The following SH3GLB2 variants were observed in gnomAD, a reference collection of about 807,000 sequenced individuals.
The protein encoded by SH3GLB2 is endophilin-B2.
Under a neutral mutation model 48.0 loss-of-function variants are expected in SH3GLB2, and 24 were observed. The ratio of observed to expected loss-of-function variants is 0.50; its 90% CI spans 0.36 to 0.70. SH3GLB2 has a LOEUF of 0.70. Ranked by LOEUF, SH3GLB2 falls within the 30% of genes least tolerant of loss-of-function variation. SH3GLB2 has a pLI of 0.00. For missense variants in SH3GLB2, 425 were observed against 516.0 expected, an observed-to-expected ratio of 0.82 and a Z score of 1.71; for synonymous variants, 227 against 207.6, an observed-to-expected ratio of 1.09 and a Z score of -0.80.
rs750346875 is a variant in SH3GLB2 at position 129,012,972 on chromosome 9, C to T, written c.562-674G>A. Reference sequence around the variant, plus strand: ...GGGTCCACGGGCAAGATGGGCAGACCGGAAGCAGCACAGCGCGTGGGACAG... The same window carrying T: ...GGGTCCACGGGCAAGATGGGCAGACTGGAAGCAGCACAGCGCGTGGGACAG... On this transcript the variant is annotated intron_variant, in intron 5 of 10. Coordinates refer to ENST00000372564, the MANE Select transcript of SH3GLB2 (RefSeq NM_020145.4). 1.4e-5 allele frequency: 22 copies of T among 1,550,744 alleles called. No homozygotes were observed. The Admixed American group carries it at 1.6e-4, about 11-fold the overall frequency.
At position 129,009,808 on chromosome 9, in the gene SH3GLB2, A is replaced by G. The variant is rs1842999089; in HGVS notation, c.802T>C (p.Tyr268His). The G allele has an allele frequency of 1.2e-6, 2 of 1,613,974 alleles. No homozygotes were observed. The highest frequency in any genetic ancestry group is 1.1e-5 in the South Asian group (1 of 91,046). ...TTCTGCAAGTCCAGCATGTGGCGGTAGCACTGTGCGTAGTAGGTTGTCTGA... is the reference window on the plus strand; with the variant it reads ...TTCTGCAAGTCCAGCATGTGGCGGTGGCACTGTGCGTAGTAGGTTGTCTGA... ...KSQTTYYAQC[Y>H]RHMLDLQKQL... Residue 268 changes from tyrosine (Y) to histidine (H), a missense_variant, in exon 9 of 11, where the codon TAC becomes CAC. Transcript: ENST00000372564.
intron 3 of SH3GLB2, among the ~76,000 whole-genome samples, chr9:129,019,708 CA>C (rs1216460109): frequency 5.0e-3 from 289 of 57,898 alleles, no homozygotes; most frequent in Middle Eastern, 0.015. Context: ...GACTCTGCCT[CA>C]AAAAAAAAAA....
At chr9:129,013,212 G>T in intron 5 of SH3GLB2, 1 of 612,308 alleles carries the variant, frequency 1.6e-6, no homozygotes, top group Non-Finnish European at 2.9e-6. Flanking sequence ...GAGCTGTGGA[G>T]CTTGAGTCCT....
intron 1 of SH3GLB2, among the ~76,000 whole-genome samples, chr9:129,026,547 C>T (rs998384556): frequency 1.3e-5 from 2 of 152,096 alleles, no homozygotes; most frequent in Admixed American, 6.5e-5. Context: ...CAGCTCCCTC[C>T]CTCCCACCCC....
intron 7 of SH3GLB2, 41 bp downstream of exon 7, chr9:129,010,629 C>T: frequency 6.2e-7 from 1 of 1,611,214 alleles, no homozygotes; most frequent in Non-Finnish European, 8.5e-7. Context: ...CACCCCGCCA[C>T]CCCTTCTTCC....
At chr9:129,009,420 C>T (rs760302680) in intron 9 of SH3GLB2, 74 bp from the exon 10 acceptor site, 9 of 1,550,214 alleles carry the variant, frequency 5.8e-6, no homozygotes, top group African/African-American at 1.4e-5. Flanking sequence ...CCTCCCCAGC[C>T]CCAGGAGCCC....
At chr9:129,010,623 C>A (rs746992061) in intron 7 of SH3GLB2, 47 bp downstream of exon 7, 9 of 1,608,550 alleles carry the variant, frequency 5.6e-6, no homozygotes, top group Non-Finnish European at 6.8e-6. Flanking sequence ...TGCCTGCACC[C>A]CGCCACCCCT....
chr9:129,019,968 CCA>C (rs1483160761), intron 3 of SH3GLB2, among the ~76,000 whole-genome samples: 4 of 151,454 alleles, frequency 2.6e-5, no homozygotes, highest in Admixed American at 6.6e-5. Context: ...CTTTGGGAGG[CCA>C]TGGCGGGCAG....
intron 1 of SH3GLB2, among the ~76,000 whole-genome samples, chr9:129,026,050 A>T (rs1844144334): frequency 6.6e-6 from 1 of 151,772 alleles, no homozygotes; most frequent in Non-Finnish European, 1.5e-5. Context: ...CGGTGCCCTT[A>T]TCTGGGCTGC....
At position 129,008,314 on chromosome 9, in the gene SH3GLB2, AAGGC is replaced by A; in HGVS notation, c.*366_*369del. ...CCCTGATGCAGCTTTTGGCAACTGA[AAGGC>A]AGGGCTCTCGCTGAGTGCACCTGGG... On this transcript the variant is annotated 3_prime_UTR_variant, in exon 11 of 11. Coordinates refer to ENST00000372564, the MANE Select transcript of SH3GLB2 (RefSeq NM_020145.4). The A allele has an allele frequency of 8.5e-6, 2 of 233,930 alleles. No homozygotes were observed. The highest frequency in any genetic ancestry group is 1.1e-4 in the South Asian group (2 of 18,886). The allele number at this position is 233,930 out of a possible 1,614,324, so 14.5% of individuals were successfully genotyped here.
chr9:129,021,233 G>A lies in SH3GLB2; in HGVS notation c.206-14C>T, dbSNP rs568393041. 9.4e-6 allele frequency: 15 copies of A among 1,592,882 alleles called. 1 individual carries two copies. The highest frequency in any genetic ancestry group is 2.2e-4 in the Middle Eastern group (1 of 4,472). ...CCACTCGGGCACCTGTGGGGAGACA[G>A]CAGCCAAAGCCACAGGGCTCCTTAG... On this transcript the variant is annotated splice_polypyrimidine_tract_variant and intron_variant, in intron 2 of 10. Coordinates refer to ENST00000372564, the MANE Select transcript of SH3GLB2 (RefSeq NM_020145.4).
intron 2 of SH3GLB2, 64 bp from the exon 3 acceptor site, chr9:129,021,283 A>G (rs1450343532): frequency 8.7e-6 from 13 of 1,501,962 alleles, no homozygotes; most frequent in African/African-American, 1.4e-5. Context: ...TGAAACAGAA[A>G]CAGACCCAGA....
rs546943197 is a variant in SH3GLB2 at position 129,012,989 on chromosome 9, G to A, written c.562-691C>T. The A allele has an allele frequency of 3.9e-5, 60 of 1,551,060 alleles. No individual in the cohort carries two copies. In the South Asian group the frequency reaches 4.2e-4, roughly 11 times the overall value. On this transcript the variant is annotated intron_variant, in intron 5 of 10. Coordinates refer to ENST00000372564, the MANE Select transcript of SH3GLB2 (RefSeq NM_020145.4). ...GGGCAGACCGGAAGCAGCACAGCGC[G>A]TGGGACAGGTATACTCACATCTCCC... is the stretch of plus-strand genomic sequence containing the variant.
intron 3 of SH3GLB2, among the ~76,000 whole-genome samples, chr9:129,020,343 C>T (rs553968545): frequency 1.3e-3 from 190 of 149,748 alleles, no homozygotes; most frequent in Non-Finnish European, 2.3e-3. Flanking sequence ...CTGAGGCAGG[C>T]GGATCACTTG....
At chr9:129,009,563 C>T in intron 9 of SH3GLB2, 1 of 1,543,038 alleles carries the variant, frequency 6.5e-7, no homozygotes, top group Admixed American at 2.0e-5. Context: ...TCCCTAGAAA[C>T]CCTCAGGGGC....
intron 3 of SH3GLB2, among the ~76,000 whole-genome samples, chr9:129,015,215 C>T (rs1588318679): frequency 6.6e-6 from 1 of 152,308 alleles, no homozygotes; most frequent in East Asian, 1.9e-4. Flanking sequence ...CTGGACACCA[C>T]GCCAGGTGCG....
Position 129,011,051 on chromosome 9 carries a change from C to G in SH3GLB2, c.625-358G>C, listed in dbSNP as rs1035793755. ...GGGCTGGGCGGCAGAACTGTGTGAC[C>G]CTGGGCCAGTCACTGAAGCTTTCTG... On this transcript the variant is annotated intron_variant, in intron 6 of 10. Transcript: ENST00000372564. The surrounding 1 kb of genome is among the most constrained non-coding windows in gnomAD (Gnocchi z 4.5). 1.3e-5 allele frequency: 4 copies of G among 302,306 alleles called. No individual in the cohort carries two copies. The highest frequency in any genetic ancestry group is 2.5e-5 in the Non-Finnish European group (4 of 162,072). The allele number at this position is 302,306 out of a possible 1,614,324, so 18.7% of individuals were successfully genotyped here.
intron 8 of SH3GLB2, 91 bp from the exon 9 acceptor site, chr9:129,009,962 T>G (rs898321109): frequency 1.4e-6 from 2 of 1,415,442 alleles, no homozygotes; most frequent in African/African-American, 2.8e-5. Context: ...CAGACCTTGC[T>G]CCGGCATTCC....
Position 129,022,268 on chromosome 9 carries a change from G to GAA in SH3GLB2, c.205+12_205+13dup. On this transcript the variant is annotated intron_variant, in intron 2 of 10. Transcript: ENST00000372564. ...CGACTACATCCCTCCCCGGGCCCAC[G>GAA]AACACGCACTCACTGGGGTTGGGCT... 6.2e-7 allele frequency: 1 copy of GAA among 1,612,062 alleles called. No individual in the cohort carries two copies. The highest frequency in any genetic ancestry group is 1.1e-5 in the South Asian group (1 of 90,862).
Sources: gnomAD v4.1 joint callset for allele counts (sites outside exome capture counted in the v4.1 genomes callset) on GRCh38, gnomAD v4.1.1 for gene constraint, Gnocchi (gnomAD v3.1) non-coding constraint, MANE v1.5 for transcripts, NCBI Gene and HGNC (gene_info 2026-07-23, HGNC 2026-07-21) for gene names.